BCAS3: variants seen among roughly 807,000 people sequenced by gnomAD.
The protein encoded by BCAS3 is BCAS3 microtubule associated cell migration factor, also known as BCAS4/BCAS3 fusion.
In BCAS3, 53 loss-of-function variants were observed where a neutral mutation model predicts 116.1. The ratio of observed to expected loss-of-function variants is 0.46; its 90% CI spans 0.37 to 0.57. BCAS3 has a LOEUF of 0.57. Ranked by LOEUF, BCAS3 falls within the 20% of genes least tolerant of loss-of-function variation. The probability of loss-of-function intolerance (pLI) is 0.00; values close to 1 mark genes in which losing one functional copy is unlikely to be tolerated. For missense variants in BCAS3, 917 were observed against 1,165.4 expected, an observed-to-expected ratio of 0.79 and a Z score of 3.10; for synonymous variants, 391 against 408.2, an observed-to-expected ratio of 0.96 and a Z score of 0.51.
chr17:60,935,215 A>C (rs567193790), intron 13 of BCAS3, among the ~76,000 whole-genome samples: 1 of 152,322 alleles, frequency 6.6e-6, no homozygotes, highest in East Asian at 1.9e-4. Context: ...AAGTCTAAAA[A>C]GGATATCTAG....
In BCAS3 at chr17:61,327,799, T is replaced by C. The variant is rs538233824; in HGVS notation, c.2426-40528T>C. 1.3e-5 allele frequency among the ~76,000 whole-genome samples: 2 copies of C among 152,300 alleles called. No individual in the cohort carries two copies. The highest frequency in any genetic ancestry group is 4.1e-4 in the South Asian group (2 of 4,828). On this transcript the variant is annotated intron_variant, in intron 22 of 23. Coordinates refer to ENST00000407086, the MANE Select transcript of BCAS3 (RefSeq NM_017679.5). This position sits in a 1 kb window ranked among gnomAD's most constrained non-coding sequence, Gnocchi z 5.9. Reference sequence around the variant, plus strand: ...TGGTGGAATTACAGGCATGAGCCACTGCGCCCTGCCCAAGATCTGACTGAA... The same window carrying C: ...TGGTGGAATTACAGGCATGAGCCACCGCGCCCTGCCCAAGATCTGACTGAA...
chr17:60,780,556 GC>G (rs985195092), intron 6 of BCAS3, among the ~76,000 whole-genome samples: 31 of 151,788 alleles, frequency 2.0e-4, no homozygotes, highest in Non-Finnish European at 1.5e-5. Flanking sequence ...ACCTGCCTTA[GC>G]CCCCCAAAGT....
In BCAS3 at chr17:61,391,287, G is replaced by A. The variant is rs1271016466; in HGVS notation, c.2594-690G>A. On this transcript the variant is annotated intron_variant, in intron 23 of 23. Coordinates refer to ENST00000407086, the MANE Select transcript of BCAS3 (RefSeq NM_017679.5). This position sits in a 1 kb window ranked among gnomAD's most constrained non-coding sequence, Gnocchi z 7.7. ...TGCTGAGGGGCCTCCAGGAGACTTG[G>A]GGCCTAAGAGGAAAGGAGAAAGGAG... 5.3e-5 allele frequency: 8 copies of A among 152,320 alleles called. No individual in the cohort carries two copies. Among genetic ancestry groups the A allele is most frequent in the Admixed American group, 5.2e-4 (8 of 15,274 alleles). 9.4% of individuals were successfully genotyped at this position (152,320 alleles called of 1,614,324 possible).
At chr17:60,857,519 T>A (rs2053783964) in intron 7 of BCAS3, among the ~76,000 whole-genome samples, 1 of 152,226 alleles carries the variant, frequency 6.6e-6, no homozygotes, top group Admixed American at 6.5e-5. Context: ...ATTTTTGGCT[T>A]GTATGATAGA....
intron 6 of BCAS3, among the ~76,000 whole-genome samples, chr17:60,769,367 G>A (rs2044421360): frequency 6.6e-6 from 1 of 152,146 alleles, no homozygotes; most frequent in Non-Finnish European, 1.5e-5. Context: ...GCTGTGGGAT[G>A]TGTGGTTTTC....
In BCAS3 at chr17:61,105,116, AAAGTG is replaced by A. The variant is rs2074559400; in HGVS notation, c.2425+20555_2425+20559del. Among the ~76,000 whole-genome samples the A allele has an allele frequency of 1.3e-5, 2 of 152,314 alleles. No individual in the cohort carries two copies. The highest frequency in any genetic ancestry group is 3.4e-3 in the Middle Eastern group (1 of 294). On this transcript the variant is annotated intron_variant, in intron 22 of 23. Transcript: ENST00000407086. This position sits in a 1 kb window ranked among gnomAD's most constrained non-coding sequence, Gnocchi z 4.3. ...CATCCCTCCCTTTTTATGAGAATAA[AAAGTG>A]AATTGGGTGCTATTTAAATATTCTC... is the stretch of plus-strand genomic sequence containing the variant.
chr17:61,109,283 T>TTGTGTGTGTGTG (rs113547904), intron 22 of BCAS3, among the ~76,000 whole-genome samples: 25 of 145,430 alleles, frequency 1.7e-4, no homozygotes, highest in African/African-American at 3.8e-4. Flanking sequence ...AGTATTCCAT[T>TTGTGTGTGTGTG]TGTGTGTGTG....
chr17:60,943,128 A>G (rs1468606277), intron 13 of BCAS3, among the ~76,000 whole-genome samples: 8 of 152,210 alleles, frequency 5.3e-5, no homozygotes, highest in Non-Finnish European at 1.0e-4. Context: ...TTAGCATTTC[A>G]TAAAAATTGA....
intron 5 of BCAS3, among the ~76,000 whole-genome samples, chr17:60,721,755 A>AATAT (rs373170160): frequency 2.6e-4 from 40 of 151,300 alleles, no homozygotes; most frequent in Middle Eastern, 3.4e-3. Context: ...ACAGACTGAA[A>AATAT]ATATATATAT....
intron 12 of BCAS3, among the ~76,000 whole-genome samples, chr17:60,911,904 A>T (rs1451457904): frequency 6.6e-6 from 1 of 152,260 alleles, no homozygotes; most frequent in African/African-American, 2.4e-5. Context: ...ATAAGAATAC[A>T]TACATGGCAG....
At position 61,161,274 on chromosome 17, in the gene BCAS3, A is replaced by G. The variant is rs1039939423; in HGVS notation, c.2425+76710A>G. Among the ~76,000 whole-genome samples the G allele has an allele frequency of 2.0e-5, 3 of 152,252 alleles. No individual in the cohort carries two copies. Among genetic ancestry groups the G allele is most frequent in the African/African-American group, 7.2e-5 (3 of 41,464 alleles). ...CAAGTACATCCACATTTTGTTATAA[A>G]TGTATAATTACAGGAAATATGTGAA... is the stretch of plus-strand genomic sequence containing the variant. On this transcript the variant is annotated intron_variant, in intron 22 of 23. Coordinates refer to ENST00000407086, the MANE Select transcript of BCAS3 (RefSeq NM_017679.5). This position sits in a 1 kb window ranked among gnomAD's most constrained non-coding sequence, Gnocchi z 4.8.
intron 5 of BCAS3, among the ~76,000 whole-genome samples, chr17:60,719,019 G>A (rs940440776): frequency 6.6e-6 from 1 of 152,094 alleles, no homozygotes; most frequent in African/African-American, 2.4e-5. Context: ...CCAAGATCGC[G>A]CCATTGCACT....
chr17:61,095,844 T>TAC lies in BCAS3; in HGVS notation c.2425+11308_2425+11309dup, dbSNP rs10671633. Among the ~76,000 whole-genome samples, 11,766 of 146,264 alleles carry TAC rather than the reference T, an allele frequency of 0.08. 545 individuals are homozygous for TAC. Among genetic ancestry groups the TAC allele is most frequent in the African/African-American group, 0.13 (5,230 of 40,040 alleles). On this transcript the variant is annotated intron_variant, in intron 22 of 23. Coordinates refer to ENST00000407086, the MANE Select transcript of BCAS3 (RefSeq NM_017679.5). The surrounding 1 kb of genome is among the most constrained non-coding windows in gnomAD (Gnocchi z 4.7). ...AAAACCACTGGTATGCATATTCTCG[T>TAC]ACACACACACACACACACACACACA...
chr17:61,091,866 C>A (rs1259860044), intron 22 of BCAS3, among the ~76,000 whole-genome samples: 3 of 152,138 alleles, frequency 2.0e-5, no homozygotes, highest in African/African-American at 7.2e-5. Context: ...TTTTCAAGCA[C>A]CTCTGAAGAT....
intron 14 of BCAS3, among the ~76,000 whole-genome samples, chr17:60,977,292 A>G (rs888416491): frequency 6.6e-6 from 1 of 152,088 alleles, no homozygotes; most frequent in African/African-American, 2.4e-5. Context: ...CGATCCTCCC[A>G]CCTCAGCCTC....
intron 12 of BCAS3, among the ~76,000 whole-genome samples, chr17:60,915,267 A>T (rs929957780): frequency 1.3e-5 from 2 of 152,182 alleles, no homozygotes; most frequent in Non-Finnish European, 2.9e-5. Flanking sequence ...GTTAACAAAA[A>T]AAACCTCAGA....
intron 8 of BCAS3, among the ~76,000 whole-genome samples, chr17:60,871,883 G>A (rs2055137998): frequency 1.3e-5 from 2 of 151,586 alleles, no homozygotes; most frequent in African/African-American, 2.4e-5. Flanking sequence ...CCCTTAGGAA[G>A]GTATTTCTTT....
intron 22 of BCAS3, among the ~76,000 whole-genome samples, chr17:61,237,384 G>T (rs927080056): frequency 6.6e-6 from 1 of 152,202 alleles, no homozygotes; most frequent in Non-Finnish European, 1.5e-5. Context: ...TGAAAAAAGG[G>T]CATTCTGATA....
At chr17:60,818,228 G>A (rs957829027) in intron 7 of BCAS3, among the ~76,000 whole-genome samples, 2 of 152,138 alleles carry the variant, frequency 1.3e-5, no homozygotes, top group Non-Finnish European at 2.9e-5. Flanking sequence ...TTATTAAATA[G>A]AATACAGTTA....
Sources: allele counts gnomAD v4.1 joint callset (sites outside exome capture counted in the v4.1 genomes callset), GRCh38; gene constraint gnomAD v4.1.1; non-coding constraint Gnocchi (gnomAD v3.1); transcripts MANE v1.5; gene names NCBI Gene and HGNC (gene_info 2026-07-23, HGNC 2026-07-21).